GALNT13: variants seen among roughly 807,000 people sequenced by gnomAD.
GALNT13 encodes the protein polypeptide N-acetylgalactosaminyltransferase 13, also known as UDP-GalNAc:polypeptide N-acetylgalactosaminyltransferase 13.
GALNT13 carries 28 observed loss-of-function variants against 64.2 expected under a neutral mutation model. The observed-to-expected ratio is 0.44, with a 90% CI of 0.32 to 0.60. GALNT13 has a LOEUF of 0.60. Among genes scored for constraint, GALNT13 ranks in the 20% least tolerant of loss-of-function variants. The pLI is 0.05. For synonymous variants in GALNT13, 214 were observed against 224.6 expected (o/e 0.95, Z 0.42); for missense variants, 577 against 669.8 (o/e 0.86, Z 1.53).
the GALNT13 span, among the ~76,000 whole-genome samples, chr2:153,377,576 C>T: frequency 6.6e-6 from 1 of 152,042 alleles, no homozygotes; most frequent in East Asian, 1.9e-4. Flanking sequence ...CCATGTGATC[C>T]CTGCACACCT....
chr2:154,342,825 CGTGTGTGT>C (rs59607214), intron 9 of GALNT13, among the ~76,000 whole-genome samples: 6 of 146,776 alleles, frequency 4.1e-5, no homozygotes, highest in South Asian at 4.3e-4. Flanking sequence ...TAAGAGTGTG[CGTGTGTGT>C]GTGTGTGTGT....
chr2:153,119,208 G>A, the GALNT13 span, among the ~76,000 whole-genome samples: 2 of 152,058 alleles, frequency 1.3e-5, no homozygotes, highest in East Asian at 1.9e-4. Context: ...ATGTCTTTAT[G>A]AGCAGCATGA....
rs111748374 is a variant in GALNT13, at chr2:154,108,421, A to G, written c.143-31916A>G. Among the ~76,000 whole-genome samples, 12 of 152,094 alleles carry G rather than the reference A, an allele frequency of 7.9e-5. 1 individual carries two copies. The highest frequency in any genetic ancestry group is 2.9e-4 in the African/African-American group (12 of 41,526). On this transcript the variant is annotated intron_variant, in intron 3 of 12. Transcript: ENST00000392825. Reference sequence around the variant, plus strand: ...TTTATTTCTTTTTTGTGAGATGTCAATTCAACTTTCTTGCCCATTTTTTTG... The same window carrying G: ...TTTATTTCTTTTTTGTGAGATGTCAGTTCAACTTTCTTGCCCATTTTTTTG...
chr2:154,263,247 T>C (rs994978007), intron 8 of GALNT13, among the ~76,000 whole-genome samples: 2 of 152,198 alleles, frequency 1.3e-5, no homozygotes, highest in Admixed American at 1.3e-4. Flanking sequence ...TTAGGTAAGA[T>C]AGCACATATT....
At chr2:153,351,689 A>G in the GALNT13 span, among the ~76,000 whole-genome samples, 1 of 152,212 alleles carries the variant, frequency 6.6e-6, no homozygotes, top group Admixed American at 6.5e-5. Flanking sequence ...TTTCAAGAAT[A>G]TCAGATAGTT....
chr2:154,098,090 CT>C (rs10673538), intron 3 of GALNT13, among the ~76,000 whole-genome samples: 26,382 of 134,594 alleles, frequency 0.2, 2,834 homozygotes, highest in Non-Finnish European at 0.26. Flanking sequence ...GCTTGTCTTT[CT>C]TTTTTTTTTT....
At chr2:154,436,619 A>G (rs1319812129) in intron 11 of GALNT13, 1 of 152,202 alleles carries the variant, frequency 6.6e-6, no homozygotes, top group Non-Finnish European at 1.5e-5. Flanking sequence ...CACTTGTGTA[A>G]TTAAATAAGT....
intron 9 of GALNT13, among the ~76,000 whole-genome samples, chr2:154,329,299 C>T (rs1049918376): frequency 6.6e-6 from 1 of 152,122 alleles, no homozygotes; most frequent in African/African-American, 2.4e-5. Flanking sequence ...GACAGGGTTT[C>T]ACCATATTGG....
At chr2:153,884,973 AG>A (rs1256469753) in intron 1 of GALNT13, among the ~76,000 whole-genome samples, 4 of 149,116 alleles carry the variant, frequency 2.7e-5, no homozygotes, top group Non-Finnish European at 5.9e-5. Context: ...CAGGAGGTAA[AG>A]GTTGCAGTGA....
chr2:153,468,047 A>G, the GALNT13 span, among the ~76,000 whole-genome samples: 3 of 151,990 alleles, frequency 2.0e-5, no homozygotes, highest in African/African-American at 7.2e-5. Context: ...ACTTCACTCA[A>G]TCTTTATTAA....
At chr2:154,321,142 G>A (rs991214276) in intron 9 of GALNT13, among the ~76,000 whole-genome samples, 5 of 152,112 alleles carry the variant, frequency 3.3e-5, no homozygotes, top group Admixed American at 2.0e-4. Context: ...GCAGTTAAGG[G>A]AAAGTAGAAC....
intron 3 of GALNT13, among the ~76,000 whole-genome samples, chr2:153,958,906 A>C (rs1314598619): frequency 1.3e-5 from 2 of 152,174 alleles, no homozygotes; most frequent in Non-Finnish European, 2.9e-5. Flanking sequence ...GGAGACACCA[A>C]AAACAAAAAT....
chr2:153,638,394 A>C, the GALNT13 span, among the ~76,000 whole-genome samples: 1 of 152,110 alleles, frequency 6.6e-6, no homozygotes, highest in Non-Finnish European at 1.5e-5. Context: ...TATTGCAAAA[A>C]TCCAGGCAGG....
the GALNT13 span, among the ~76,000 whole-genome samples, chr2:153,390,402 T>G: frequency 7.2e-5 from 11 of 152,016 alleles, no homozygotes; most frequent in Non-Finnish European, 1.2e-4. Flanking sequence ...AGGGCATGTG[T>G]ATACCTATGT....
intron 2 of GALNT13, among the ~76,000 whole-genome samples, chr2:153,922,911 A>G (rs1689853361): frequency 6.6e-6 from 1 of 151,678 alleles, no homozygotes; most frequent in Non-Finnish European, 1.5e-5. Flanking sequence ...TAAATTTTTT[A>G]TTTTTTGAAA....
At chr2:154,304,666 G>GA (rs1202862526) in intron 9 of GALNT13, among the ~76,000 whole-genome samples, 2 of 152,140 alleles carry the variant, frequency 1.3e-5, no homozygotes, top group East Asian at 1.9e-4. Context: ...TAAAGCATGG[G>GA]AAAAAATGCC....
the GALNT13 span, among the ~76,000 whole-genome samples, chr2:153,628,979 A>T: frequency 6.6e-6 from 1 of 151,350 alleles, no homozygotes; most frequent in African/African-American, 2.4e-5. Context: ...CTGGTCCTGG[A>T]CTCTTTTTGG....
At chr2:153,535,536 G>A in the GALNT13 span, among the ~76,000 whole-genome samples, 26 of 152,040 alleles carry the variant, frequency 1.7e-4, no homozygotes, top group African/African-American at 5.8e-4. Context: ...TTTTTTGGGG[G>A]CACAGTCTAA....
At chr2:153,726,092 C>T in the GALNT13 span, among the ~76,000 whole-genome samples, 1 of 152,038 alleles carries the variant, frequency 6.6e-6, no homozygotes, top group Non-Finnish European at 1.5e-5. Context: ...AAAAATTTAA[C>T]ATTTTAATGT....
Sources: allele counts gnomAD v4.1 joint callset (sites outside exome capture counted in the v4.1 genomes callset), GRCh38; gene constraint gnomAD v4.1.1; transcripts MANE v1.5; gene names NCBI Gene and HGNC (gene_info 2026-07-23, HGNC 2026-07-21).